RBFOX1: variants seen among roughly 807,000 people sequenced by gnomAD.
RBFOX1 encodes the protein RNA binding protein fox-1 homolog 1.
In RBFOX1, 8 loss-of-function variants were observed where a neutral mutation model predicts 57.7. That is an observed-to-expected ratio of 0.14 (90% confidence interval 0.08 to 0.25). The LOEUF is 0.25. RBFOX1 is among the 10% of genes least tolerant of loss of function. The pLI is 1.00. For missense variants in RBFOX1, 611 were observed against 548.5 expected (o/e 1.11, Z -1.14); for synonymous variants, 326 against 222.4 (o/e 1.47, Z -4.15).
intron 2 of RBFOX1, among the ~76,000 whole-genome samples, chr16:6,475,690 A>C (rs1316617532): frequency 6.6e-6 from 1 of 152,198 alleles, no homozygotes; most frequent in East Asian, 1.9e-4. Flanking sequence ...AGTAGGTCCT[A>C]GTGTTCTAAT....
At chr16:6,982,636 C>T (rs1450764187) in intron 3 of RBFOX1, among the ~76,000 whole-genome samples, 1 of 152,134 alleles carries the variant, frequency 6.6e-6, no homozygotes, top group Non-Finnish European at 1.5e-5. Context: ...CTTTCTTGCA[C>T]ATTGTCACAT....
chr16:5,763,457 C>T (rs908819039), intron 3 of RBFOX1, among the ~76,000 whole-genome samples: 6 of 152,324 alleles, frequency 3.9e-5, no homozygotes, highest in Middle Eastern at 6.8e-3. Context: ...CAGCCAGATT[C>T]TGGCTGTGAG....
intron 3 of RBFOX1, among the ~76,000 whole-genome samples, chr16:5,759,645 C>T (rs1414367907): frequency 1.3e-5 from 2 of 152,088 alleles, no homozygotes; most frequent in Non-Finnish European, 2.9e-5. Context: ...AGAAGCAAAG[C>T]TCTCATGCTG....
chr16:7,155,369 C>T (rs1436666656), intron 4 of RBFOX1, among the ~76,000 whole-genome samples: 1 of 151,770 alleles, frequency 6.6e-6, no homozygotes, highest in Non-Finnish European at 1.5e-5. Flanking sequence ...TTCAGTGGGT[C>T]ACTTAAGCCA....
intron 3 of RBFOX1, among the ~76,000 whole-genome samples, chr16:6,781,325 C>T (rs974334377): frequency 2.0e-5 from 3 of 151,820 alleles, no homozygotes; most frequent in Non-Finnish European, 2.9e-5. Flanking sequence ...GAATTTGATT[C>T]GGTAGTATTT....
At chr16:6,203,130 A>C (rs1298330069) in intron 1 of RBFOX1, among the ~76,000 whole-genome samples, 1 of 152,060 alleles carries the variant, frequency 6.6e-6, no homozygotes. Flanking sequence ...ATCCAGCCTC[A>C]TAGCAAATTT....
chr16:5,528,865 G>C (rs1171594216), intron 2 of RBFOX1, among the ~76,000 whole-genome samples: 1 of 152,082 alleles, frequency 6.6e-6, no homozygotes, highest in African/African-American at 2.4e-5. Flanking sequence ...GGTTAAGCTG[G>C]TCTTGAACTC....
chr16:6,664,310 C>G (rs551636979), intron 3 of RBFOX1, among the ~76,000 whole-genome samples: 6 of 152,200 alleles, frequency 3.9e-5, no homozygotes, highest in African/African-American at 1.4e-4. Context: ...CCTCATTCCT[C>G]TTGGGCATGG....
chr16:6,761,638 C>T (rs747486596), intron 3 of RBFOX1, among the ~76,000 whole-genome samples: 3 of 150,272 alleles, frequency 2.0e-5, no homozygotes, highest in Non-Finnish European at 4.4e-5. Context: ...TCCCAAGTGG[C>T]TGGGATTACA....
intron 2 of RBFOX1, among the ~76,000 whole-genome samples, chr16:6,504,105 G>A (rs2096020240): frequency 6.6e-6 from 1 of 152,148 alleles, no homozygotes; most frequent in Non-Finnish European, 1.5e-5. Flanking sequence ...TGAAATGGCA[G>A]CCCAGAGGTA....
chr16:5,480,604 A>T (rs2069504171), intron 2 of RBFOX1, among the ~76,000 whole-genome samples: 1 of 152,186 alleles, frequency 6.6e-6, no homozygotes, highest in South Asian at 2.1e-4. Flanking sequence ...GGCTTTCTTA[A>T]TTCTTTGTAG....
At chr16:6,886,742 G>C (rs556484701) in intron 3 of RBFOX1, among the ~76,000 whole-genome samples, 2 of 143,666 alleles carry the variant, frequency 1.4e-5, no homozygotes, top group Non-Finnish European at 3.0e-5. Flanking sequence ...GCAAGCAAGT[G>C]AGACTCTATC....
intron 3 of RBFOX1, among the ~76,000 whole-genome samples, chr16:6,950,154 C>T (rs1265588099): frequency 1.4e-5 from 2 of 139,904 alleles, no homozygotes; most frequent in Non-Finnish European, 3.0e-5. Flanking sequence ...CATGGGGTTT[C>T]ACCATGTTGG....
chr16:5,727,675 T>C (rs765570345), intron 3 of RBFOX1, among the ~76,000 whole-genome samples: 14 of 152,068 alleles, frequency 9.2e-5, no homozygotes, highest in Non-Finnish European at 1.5e-4. Context: ...TACTCTGTTT[T>C]TGTTGTTGTT....
At chr16:7,181,230 T>C (rs1429491198) in intron 4 of RBFOX1, among the ~76,000 whole-genome samples, 1 of 152,122 alleles carries the variant, frequency 6.6e-6, no homozygotes, top group East Asian at 1.9e-4. Context: ...ATAGGGAAAC[T>C]GCTATGCCCC....
chr16:7,069,968 T>A (rs1312963456), intron 4 of RBFOX1, among the ~76,000 whole-genome samples: 1 of 152,202 alleles, frequency 6.6e-6, no homozygotes, highest in African/African-American at 2.4e-5. Flanking sequence ...AGCCTAATAA[T>A]TCCATCAAGT....
intron 3 of RBFOX1, among the ~76,000 whole-genome samples, chr16:6,997,167 TAGAG>T (rs1417869021): frequency 6.6e-6 from 1 of 152,140 alleles, no homozygotes; most frequent in African/African-American, 2.4e-5. Flanking sequence ...TGAAATTAAA[TAGAG>T]AATTATCTTA....
chr16:5,475,972 T>C (rs960427227), intron 2 of RBFOX1, among the ~76,000 whole-genome samples: 7 of 152,174 alleles, frequency 4.6e-5, no homozygotes, highest in African/African-American at 1.7e-4. Context: ...CTTGCTCCTC[T>C]GTCAGAATTA....
At chr16:6,237,178 C>T (rs993038593) in intron 1 of RBFOX1, among the ~76,000 whole-genome samples, 7 of 152,180 alleles carry the variant, frequency 4.6e-5, no homozygotes, top group African/African-American at 1.7e-4. Context: ...ACTTTTATTA[C>T]GAACACATCT....
Sources: gnomAD v4.1 joint callset for allele counts (sites outside exome capture counted in the v4.1 genomes callset) on GRCh38, gnomAD v4.1.1 for gene constraint, MANE v1.5 for transcripts, NCBI Gene and HGNC (gene_info 2026-07-23, HGNC 2026-07-21) for gene names.